Variants in ATP6V1G1 observed in about 807,000 individuals in gnomAD.
ATP6V1G1 encodes the protein ATPase H+ transporting V1 subunit G1.
A neutral mutation model predicts 14.2 loss-of-function variants in ATP6V1G1; 14 were observed. The ratio of observed to expected loss-of-function variants is 0.99; its 90% confidence interval spans 0.65 to 1.55. The LOEUF is 1.55. ATP6V1G1 is among the 40% of genes most tolerant of loss of function. The pLI is 0.00. For synonymous variants in ATP6V1G1, 65 were observed against 53.3 expected (o/e 1.22, Z -0.96); for missense variants, 137 against 146.4 (o/e 0.94, Z 0.33).
At chr9:114,593,429 C>A (rs1049632606) in intron 2 of ATP6V1G1, among the ~76,000 whole-genome samples, 5 of 152,078 alleles carry the variant, frequency 3.3e-5, no homozygotes, top group African/African-American at 1.2e-4. Flanking sequence ...ACTTCCAGGC[C>A]CAAGTCCAGT....
chr9:114,590,865 G>A (rs1398187998), intron 1 of ATP6V1G1, among the ~76,000 whole-genome samples: 1 of 151,914 alleles, frequency 6.6e-6, no homozygotes, highest in African/African-American at 2.4e-5. Flanking sequence ...GCGTGATCTC[G>A]GCTCACTACA....
chr9:114,592,134 T>C (rs890446693), intron 1 of ATP6V1G1, among the ~76,000 whole-genome samples: 1 of 152,224 alleles, frequency 6.6e-6, no homozygotes, highest in Non-Finnish European at 1.5e-5. Flanking sequence ...CTTGCGAGCT[T>C]ATTAGCCTTC....
intron 2 of ATP6V1G1, among the ~76,000 whole-genome samples, chr9:114,593,217 C>A (rs769558327): frequency 5.3e-5 from 8 of 152,120 alleles, no homozygotes; most frequent in Admixed American, 5.2e-4. Flanking sequence ...ATAAGGGCCT[C>A]ACAGAGAAAA....
intron 2 of ATP6V1G1, among the ~76,000 whole-genome samples, chr9:114,593,729 C>T (rs977648969): frequency 6.6e-6 from 1 of 151,968 alleles, no homozygotes; most frequent in African/African-American, 2.4e-5. Context: ...GAACTCCTGG[C>T]CTCAAGTGAT....
intron 1 of ATP6V1G1, among the ~76,000 whole-genome samples, chr9:114,590,209 A>AC (rs1329760784): frequency 6.6e-5 from 10 of 151,604 alleles, no homozygotes; most frequent in Admixed American, 2.0e-4. Context: ...AAAAAAAAAA[A>AC]AAAACAAAAA....
chr9:114,595,522 T>C (rs948330717), intron 2 of ATP6V1G1, among the ~76,000 whole-genome samples: 1 of 152,032 alleles, frequency 6.6e-6, no homozygotes. Flanking sequence ...GGCATGGTGG[T>C]GTATACGTGT....
In ATP6V1G1 at chr9:114,587,955, G is replaced by C. The variant is rs758554659; in HGVS notation, c.82+35G>C. The C allele has an allele frequency of 3.9e-5, 60 of 1,552,728 alleles. 1 individual carries two copies. The South Asian group carries it at 7.0e-4, about 18-fold the overall frequency. ...AGGGTGGGGCTGCCCGGCGTGGCGC[G>C]AGTCGAAGAAAGACCGCTGGGCCTC... On this transcript the variant is annotated intron_variant, in intron 1 of 2. Coordinates refer to ENST00000374050, the MANE Select transcript of ATP6V1G1 (RefSeq NM_004888.4).
chr9:114,594,745 CAT>C (rs1477110991), intron 2 of ATP6V1G1, among the ~76,000 whole-genome samples: 1 of 152,030 alleles, frequency 6.6e-6, no homozygotes, highest in African/African-American at 2.4e-5. Flanking sequence ...GTCCCAATGA[CAT>C]GTGCCCTCAT....
chr9:114,591,452 G>GGAA (rs1845181313), intron 1 of ATP6V1G1, among the ~76,000 whole-genome samples: 1 of 152,192 alleles, frequency 6.6e-6, no homozygotes, highest in East Asian at 1.9e-4. Flanking sequence ...ATAGCTGATG[G>GGAA]GAAGATAGCA....
In ATP6V1G1 at chr9:114,597,937, A is replaced by G. The variant is rs1482810533; in HGVS notation, c.*194A>G. On this transcript the variant is annotated 3_prime_UTR_variant, in exon 3 of 3. Coordinates refer to ENST00000374050, the MANE Select transcript of ATP6V1G1 (RefSeq NM_004888.4). Reference sequence around the variant, plus strand: ...GACTTAGAAATTATCTAAAGATTTCATCTTTTTACCTCATATTTCTTAGGA... The same window carrying G: ...GACTTAGAAATTATCTAAAGATTTCGTCTTTTTACCTCATATTTCTTAGGA... 2 of 427,566 alleles carry G rather than the reference A, an allele frequency of 4.7e-6. No individual in the cohort carries two copies. Among genetic ancestry groups the G allele is most frequent in the Admixed American group, 4.6e-5 (1 of 21,718 alleles). 26.5% of individuals were successfully genotyped at this position (427,566 alleles called of 1,614,324 possible). A position where few individuals can be genotyped will look rare whatever the true frequency, so the allele number is the denominator to read the frequency against.
At chr9:114,593,704 G>A (rs1158832282) in intron 2 of ATP6V1G1, among the ~76,000 whole-genome samples, 1 of 151,642 alleles carries the variant, frequency 6.6e-6, no homozygotes, top group Non-Finnish European at 1.5e-5. Context: ...TTGCTGTGTT[G>A]CCTTGGCTGG....
At chr9:114,594,443 G>T (rs1222381118) in intron 2 of ATP6V1G1, among the ~76,000 whole-genome samples, 1 of 151,210 alleles carries the variant, frequency 6.6e-6, no homozygotes, top group Middle Eastern at 3.2e-3. Context: ...GAGCGCAGTG[G>T]CGTCATCTCA....
chr9:114,588,871 T>C (rs1845155916), intron 1 of ATP6V1G1, among the ~76,000 whole-genome samples: 1 of 150,088 alleles, frequency 6.7e-6, no homozygotes, highest in South Asian at 2.1e-4. Context: ...CCTACCGCCT[T>C]TGTAGTCAGA....
At chr9:114,594,022 A>G (rs1845209367) in intron 2 of ATP6V1G1, among the ~76,000 whole-genome samples, 1 of 152,062 alleles carries the variant, frequency 6.6e-6, no homozygotes, top group Non-Finnish European at 1.5e-5. Context: ...CTGCTCATAA[A>G]ACAATGTAGA....
chr9:114,591,952 A>G (rs553790180), intron 1 of ATP6V1G1, among the ~76,000 whole-genome samples: 1 of 152,204 alleles, frequency 6.6e-6, no homozygotes, highest in African/African-American at 2.4e-5. Context: ...AAACCAAAAT[A>G]CCTGTGTCTC....
intron 1 of ATP6V1G1, among the ~76,000 whole-genome samples, chr9:114,591,721 T>C (rs1041594795): frequency 6.6e-6 from 1 of 152,220 alleles, no homozygotes; most frequent in African/African-American, 2.4e-5. Context: ...TATACAATGA[T>C]GTACAGTGTT....
At chr9:114,588,314 C>T (rs948451678) in intron 1 of ATP6V1G1, among the ~76,000 whole-genome samples, 2 of 151,912 alleles carry the variant, frequency 1.3e-5, no homozygotes, top group Non-Finnish European at 2.9e-5. Context: ...GCCTCTTCTC[C>T]CTCCCTCATT....
intron 2 of ATP6V1G1, among the ~76,000 whole-genome samples, chr9:114,594,545 G>A (rs1444301145): frequency 1.3e-5 from 2 of 151,896 alleles, no homozygotes; most frequent in Non-Finnish European, 2.9e-5. Context: ...CACCATGCCC[G>A]GCTAATTTTT....
Position 114,592,613 on chromosome 9 carries a change from C to T in ATP6V1G1, c.144C>T (p.Arg48=). 4 of 1,578,386 alleles carry T rather than the reference C, an allele frequency of 2.5e-6. No individual in the cohort carries two copies. In the South Asian group the frequency reaches 4.7e-5, roughly 18 times the overall value. Residue 48 remains arginine, a synonymous_variant, in exon 2 of 3, where the codon CGC becomes CGT. Coordinates refer to ENST00000374050, the MANE Select transcript of ATP6V1G1 (RefSeq NM_004888.4). ...EEAQAEIEQY[R]LQREKEFKAK... ...CTCAGGCTGAAATTGAACAGTACCGCCTGCAGAGGGAGAAAGAATTCAAGG... is the reference window on the plus strand; with the variant it reads ...CTCAGGCTGAAATTGAACAGTACCGTCTGCAGAGGGAGAAAGAATTCAAGG...
Sources: allele counts gnomAD v4.1 joint callset (sites outside exome capture counted in the v4.1 genomes callset), GRCh38; gene constraint gnomAD v4.1.1; transcripts MANE v1.5; gene names NCBI Gene and HGNC (gene_info 2026-07-23, HGNC 2026-07-21).